Variants in YWHAE observed in about 807,000 individuals in gnomAD.
YWHAE encodes the protein tyrosine 3-monooxygenase/tryptophan 5-monooxygenase activation protein epsilon.
Under a neutral mutation model 30.1 loss-of-function variants are expected in YWHAE, and 4 were observed. The observed-to-expected ratio is 0.13, with a 90% CI of 0.07 to 0.30. The LOEUF is 0.30. Among genes scored for constraint, YWHAE ranks in the 10% least tolerant of loss-of-function variants. The probability of loss-of-function intolerance (pLI) is 1.00; values close to 1 mark genes in which losing one functional copy is unlikely to be tolerated. For synonymous variants in YWHAE, 118 were observed against 111.8 expected, an observed-to-expected ratio of 1.06 and a Z score of -0.35; for missense variants, 121 against 315.9, an observed-to-expected ratio of 0.38 and a Z score of 4.68.
chr17:1,364,769 T>G, intron 2 of YWHAE, 90 bp downstream of exon 2: 1 of 1,380,112 alleles, frequency 7.2e-7, no homozygotes. Context: ...TATATGAATG[T>G]AGTCTCCTTT....
intron 1 of YWHAE, among the ~76,000 whole-genome samples, chr17:1,377,580 C>T (rs1436513608): frequency 6.6e-6 from 1 of 152,168 alleles, no homozygotes; most frequent in Non-Finnish European, 1.5e-5. Flanking sequence ...TGCCACTGCA[C>T]TCCACCCTGG....
At chr17:1,345,740 T>A (rs1346418722) in intron 5 of YWHAE, among the ~76,000 whole-genome samples, 1 of 152,198 alleles carries the variant, frequency 6.6e-6, no homozygotes, top group Non-Finnish European at 1.5e-5. Flanking sequence ...TACAACTCAA[T>A]GTTTTTACGC....
rs545188335 is a variant in YWHAE at position 1,395,893 on chromosome 17, C to T, written c.64+4154G>A. On this transcript the variant is annotated intron_variant, in intron 1 of 5. Coordinates refer to ENST00000264335, the MANE Select transcript of YWHAE (RefSeq NM_006761.5). Reference sequence around the variant, plus strand: ...CAGCACTCTGGGAGGCCGAGGCGGGCGGATCACCTGAGGTCAGGAGTTCGA... The same window carrying T: ...CAGCACTCTGGGAGGCCGAGGCGGGTGGATCACCTGAGGTCAGGAGTTCGA... Among the ~76,000 whole-genome samples, 126 of 152,272 alleles carry T rather than the reference C, an allele frequency of 8.3e-4. 1 individual carries two copies. The highest frequency in any genetic ancestry group is 2.8e-3 in the African/African-American group (117 of 41,558).
At position 1,344,308 on chromosome 17, in the gene YWHAE, A is replaced by C. The variant is rs1179524013; in HGVS notation, c.*1139T>G. 3 of 160,358 alleles carry C rather than the reference A, an allele frequency of 1.9e-5. No individual in the cohort carries two copies. Among genetic ancestry groups the C allele is most frequent in the African/African-American group, 7.2e-5 (3 of 41,680 alleles). 9.9% of individuals were successfully genotyped at this position (160,358 alleles called of 1,614,324 possible). ...ATGTTGTACTTTAATGATTAAAATAAATACCATGTTGCTGCCTGGTCTGGA... is the reference window on the plus strand; with the variant it reads ...ATGTTGTACTTTAATGATTAAAATACATACCATGTTGCTGCCTGGTCTGGA... On this transcript the variant is annotated 3_prime_UTR_variant, in exon 6 of 6. Transcript: ENST00000264335.
At chr17:1,358,964 A>G (rs965023508) in intron 4 of YWHAE, among the ~76,000 whole-genome samples, 1 of 150,588 alleles carries the variant, frequency 6.6e-6, no homozygotes, top group African/African-American at 2.4e-5. Flanking sequence ...GTGAAACCCC[A>G]TCCCTACTAA....
chr17:1,383,573 G>A (rs2082430880), intron 1 of YWHAE, among the ~76,000 whole-genome samples: 2 of 63,942 alleles, frequency 3.1e-5, no homozygotes. Context: ...ATTTTTAGTA[G>A]AGATGGGTTT....
chr17:1,354,438 T>C (rs2072693060), intron 4 of YWHAE, 91 bp from the exon 5 acceptor site: 7 of 1,305,222 alleles, frequency 5.4e-6, no homozygotes, highest in Non-Finnish European at 7.4e-6. Flanking sequence ...TCTTCAGTTA[T>C]TCCAGTTTGT....
In YWHAE at chr17:1,344,439, G is replaced by T. The variant is rs542794269; in HGVS notation, c.*1008C>A. ...GGAAGCAAACAAATTATTTATGGAAGAAAAAAGGAGGAATGTTTCACATTC... is the reference window on the plus strand; with the variant it reads ...GGAAGCAAACAAATTATTTATGGAATAAAAAAGGAGGAATGTTTCACATTC... On this transcript the variant is annotated 3_prime_UTR_variant, in exon 6 of 6. Transcript: ENST00000264335. 64 of 181,430 alleles carry T rather than the reference G, an allele frequency of 3.5e-4. No homozygotes were observed. The Middle Eastern group carries it at 8.3e-3, about 24-fold the overall frequency. 11.2% of individuals were successfully genotyped at this position (181,430 alleles called of 1,614,324 possible).
chr17:1,380,918 C>G (rs1385882807), intron 1 of YWHAE, among the ~76,000 whole-genome samples: 1 of 152,168 alleles, frequency 6.6e-6, no homozygotes, highest in Non-Finnish European at 1.5e-5. Context: ...TCCCTTGTTC[C>G]CCTTCTCTAC....
chr17:1,360,825 C>A (rs937366431), intron 4 of YWHAE, among the ~76,000 whole-genome samples: 6 of 152,106 alleles, frequency 3.9e-5, no homozygotes, highest in African/African-American at 1.4e-4. Context: ...TAATTCCTCT[C>A]ATTTCCTTCC....
Position 1,344,319 on chromosome 17 carries a change from G to A in YWHAE, c.*1128C>T, listed in dbSNP as rs1184799018. 2 of 163,584 alleles carry A rather than the reference G, an allele frequency of 1.2e-5. No homozygotes were observed. The highest frequency in any genetic ancestry group is 2.7e-5 in the Non-Finnish European group (2 of 74,666). The allele number at this position is 163,584 out of a possible 1,614,324, so 10.1% of individuals were successfully genotyped here. On this transcript the variant is annotated 3_prime_UTR_variant, in exon 6 of 6. Coordinates refer to ENST00000264335, the MANE Select transcript of YWHAE (RefSeq NM_006761.5). ...TAATGATTAAAATAAATACCATGTT[G>A]CTGCCTGGTCTGGAGGACAAGACAC...
chr17:1,398,342 C>CT (rs1555648145), intron 1 of YWHAE, among the ~76,000 whole-genome samples: 2 of 34,752 alleles, frequency 5.8e-5, no homozygotes, highest in South Asian at 9.3e-4. Context: ...TATCCCCCCC[C>CT]CCAACAGGAA....
intron 4 of YWHAE, among the ~76,000 whole-genome samples, chr17:1,358,530 C>T (rs902389987): frequency 2.0e-5 from 3 of 150,964 alleles, no homozygotes; most frequent in Admixed American, 2.0e-4. Flanking sequence ...TGAGCCACTG[C>T]ACGCAGCCCA....
chr17:1,400,021 A>C, intron 1 of YWHAE, 26 bp downstream of exon 1: 13 of 1,593,552 alleles, frequency 8.2e-6, no homozygotes, highest in African/African-American at 1.3e-5. Context: ...CGAGAATTCC[A>C]GCCCCCCGTT....
intron 1 of YWHAE, among the ~76,000 whole-genome samples, chr17:1,370,318 A>T (rs2073015938): frequency 6.6e-6 from 1 of 150,954 alleles, no homozygotes. Flanking sequence ...TTTTTAGTAG[A>T]GGCGGGGTTT....
At position 1,362,023 on chromosome 17, in the gene YWHAE, AT is replaced by A. The variant is rs34985093; in HGVS notation, c.265-16del. On this transcript the variant is annotated splice_polypyrimidine_tract_variant and intron_variant, in intron 2 of 5. Coordinates refer to ENST00000264335, the MANE Select transcript of YWHAE (RefSeq NM_006761.5). ...TCAGTCTCAACCTAAAAAAAAAAAA[AT>A]TTTTTTTAAATCAGATTAAGTCTAG... 223 of 1,378,382 alleles carry A rather than the reference AT, an allele frequency of 1.6e-4. No homozygotes were observed. The highest frequency in any genetic ancestry group is 1.2e-3 in the East Asian group (47 of 40,322). 85.4% of individuals were successfully genotyped at this position (1,378,382 alleles called of 1,614,324 possible).
chr17:1,354,675 G>A (rs563650925), intron 4 of YWHAE, among the ~76,000 whole-genome samples: 2 of 152,164 alleles, frequency 1.3e-5, no homozygotes, highest in Admixed American at 1.3e-4. Context: ...TTGTTTGTTT[G>A]TTTTTAAGAC....
intron 4 of YWHAE, among the ~76,000 whole-genome samples, chr17:1,355,161 T>G (rs925255319): frequency 2.6e-5 from 1 of 38,676 alleles, no homozygotes; most frequent in Non-Finnish European, 4.6e-5. Context: ...TTTTTTTTTT[T>G]TTTTTTTTTT....
chr17:1,394,444 A>AAAAAACAAAAAAAAAAAAAAAC (rs2073434330), intron 1 of YWHAE, among the ~76,000 whole-genome samples: 1 of 139,658 alleles, frequency 7.2e-6, no homozygotes, highest in African/African-American at 2.9e-5. Flanking sequence ...CACAAAAAAA[A>AAAAAACAAAAAAAAAAAAAAAC]AAAAAAAAAA....
Sources: allele counts gnomAD v4.1 joint callset (sites outside exome capture counted in the v4.1 genomes callset), GRCh38; gene constraint gnomAD v4.1.1; transcripts MANE v1.5; gene names NCBI Gene and HGNC (gene_info 2026-07-23, HGNC 2026-07-21).